Variants in ITPK1 observed in about 807,000 individuals in gnomAD.
ITPK1 encodes the protein inositol-tetrakisphosphate 1-kinase, also known as inositol 1,3,4-trisphosphate 5/6-kinase.
A neutral mutation model predicts 45.3 loss-of-function variants in ITPK1; 21 were observed. The observed-to-expected ratio is 0.46, with a 90% CI of 0.33 to 0.67. The LOEUF is 0.67. Among genes scored for constraint, ITPK1 ranks in the 30% least tolerant of loss-of-function variants. ITPK1 has a pLI of 0.02. For synonymous variants in ITPK1, 258 were observed against 253.6 expected, an observed-to-expected ratio of 1.02 and a Z score of -0.16; for missense variants, 474 against 573.5, an observed-to-expected ratio of 0.83 and a Z score of 1.77.
At chr14:93,114,153 A>G (rs957679760) in intron 2 of ITPK1, among the ~76,000 whole-genome samples, 2 of 152,276 alleles carry the variant, frequency 1.3e-5, no homozygotes, top group African/African-American at 2.4e-5. Flanking sequence ...TCAGAGCTAG[A>G]TTCTCTTAGG....
chr14:92,996,300 A>G (rs1166643412), intron 4 of ITPK1, among the ~76,000 whole-genome samples: 1 of 152,262 alleles, frequency 6.6e-6, no homozygotes, highest in South Asian at 2.1e-4. Flanking sequence ...CCACTCAGCT[A>G]GAAACCATCA....
At chr14:93,080,619 C>A (rs189580078) in intron 2 of ITPK1, among the ~76,000 whole-genome samples, 14 of 152,336 alleles carry the variant, frequency 9.2e-5, no homozygotes, top group African/African-American at 3.4e-4. Flanking sequence ...GCGTGTGCTG[C>A]AGTGTTAACT....
intron 4 of ITPK1, chr14:92,998,786 G>C (rs1887187538): frequency 1.3e-5 from 2 of 152,058 alleles, no homozygotes; most frequent in Admixed American, 6.5e-5. Flanking sequence ...GAAGAAATAA[G>C]AGCCAGCTAC....
intron 2 of ITPK1, among the ~76,000 whole-genome samples, chr14:93,089,609 C>A (rs893192401): frequency 2.0e-5 from 3 of 152,194 alleles, no homozygotes; most frequent in African/African-American, 7.2e-5. Flanking sequence ...ACCAATGAGA[C>A]AGAAATCAGC....
At chr14:93,006,960 C>A (rs374258714) in intron 4 of ITPK1, among the ~76,000 whole-genome samples, 2 of 152,236 alleles carry the variant, frequency 1.3e-5, no homozygotes, top group East Asian at 1.9e-4. Context: ...ATTCCCCTGA[C>A]AAATGCCACA....
intron 2 of ITPK1, among the ~76,000 whole-genome samples, chr14:93,101,338 C>G (rs767956585): frequency 6.6e-6 from 1 of 152,214 alleles, no homozygotes; most frequent in Non-Finnish European, 1.5e-5. Flanking sequence ...ATCTCTGTAC[C>G]TCTGGACTCT....
chr14:93,015,119 C>T (rs1304077053), intron 4 of ITPK1, among the ~76,000 whole-genome samples: 1 of 152,166 alleles, frequency 6.6e-6, no homozygotes, highest in Non-Finnish European at 1.5e-5. Context: ...CAGCTGGGAC[C>T]ACACCCCAGG....
intron 4 of ITPK1, among the ~76,000 whole-genome samples, chr14:93,000,458 C>A (rs1376449782): frequency 6.6e-6 from 1 of 152,160 alleles, no homozygotes; most frequent in Non-Finnish European, 1.5e-5. Context: ...TTTTTATTCC[C>A]ATTTTATAAA....
chr14:92,963,937 C>G (rs755569858), intron 5 of ITPK1, among the ~76,000 whole-genome samples: 6 of 152,184 alleles, frequency 3.9e-5, no homozygotes, highest in Non-Finnish European at 7.3e-5. Context: ...CACCCACAGG[C>G]TTGGAAACCA....
chr14:93,000,358 G>A (rs1273435035), intron 4 of ITPK1, among the ~76,000 whole-genome samples: 1 of 152,206 alleles, frequency 6.6e-6, no homozygotes, highest in Non-Finnish European at 1.5e-5. Context: ...TACAAGTGTA[G>A]CACTTTTCTG....
intron 5 of ITPK1, among the ~76,000 whole-genome samples, chr14:92,983,973 C>T (rs1886362958): frequency 6.6e-6 from 1 of 152,146 alleles, no homozygotes; most frequent in Non-Finnish European, 1.5e-5. Flanking sequence ...AGAAGCGAAG[C>T]AAGACACATG....
chr14:93,073,536 C>T (rs1054409634), intron 3 of ITPK1, among the ~76,000 whole-genome samples: 2 of 152,240 alleles, frequency 1.3e-5, no homozygotes, highest in South Asian at 2.1e-4. Flanking sequence ...CATTAAATAA[C>T]AGGAAGAGAA....
Position 92,938,552 on chromosome 14 carries a change from C to T in ITPK1, c.*3009G>A. 5.6e-6 allele frequency: 9 copies of T among 1,605,764 alleles called. No homozygotes were observed. Among genetic ancestry groups the T allele is most frequent in the Non-Finnish European group, 7.7e-6 (9 of 1,172,652 alleles). ...CTGGGTACAGAGAGGAATGTTTTTC[C>T]CAGGTTGCTTTCTCCTTTATTGACA... On this transcript the variant is annotated 3_prime_UTR_variant, in exon 11 of 11. Transcript: ENST00000267615.
intron 2 of ITPK1, among the ~76,000 whole-genome samples, chr14:93,080,686 A>G (rs1439456386): frequency 2.0e-5 from 3 of 152,232 alleles, no homozygotes; most frequent in African/African-American, 4.8e-5. Flanking sequence ...CAGATTTTCT[A>G]CAATGAACAT....
chr14:92,969,786 T>C (rs1022304158), intron 5 of ITPK1, among the ~76,000 whole-genome samples: 1 of 152,124 alleles, frequency 6.6e-6, no homozygotes, highest in East Asian at 1.9e-4. Context: ...GCCATCCTTA[T>C]TTTTGGATGG....
At chr14:93,019,498 AAC>A (rs1888359853) in intron 3 of ITPK1, among the ~76,000 whole-genome samples, 1 of 152,154 alleles carries the variant, frequency 6.6e-6, no homozygotes, top group Non-Finnish European at 1.5e-5. Context: ...ATGCCAGTAA[AAC>A]CCTTCTGTGA....
At chr14:93,000,194 T>C (rs766174211) in intron 4 of ITPK1, among the ~76,000 whole-genome samples, 6 of 152,240 alleles carry the variant, frequency 3.9e-5, no homozygotes, top group African/African-American at 1.4e-4. Flanking sequence ...TTAGGAGCAA[T>C]GCCGCTGTGA....
chr14:92,976,559 T>G lies in ITPK1; in HGVS notation c.365-13710A>C, dbSNP rs1217538553. ...ATTTCCATCTAACAGACAACCAAAA[T>G]GAAGGCTCATAGAGATGACATGTGT... is the stretch of plus-strand genomic sequence containing the variant. On this transcript the variant is annotated intron_variant, in intron 5 of 10. Coordinates refer to ENST00000267615, the MANE Select transcript of ITPK1 (RefSeq NM_014216.6). Among the ~76,000 whole-genome samples, 3 of 152,256 alleles carry G rather than the reference T, an allele frequency of 2.0e-5. No homozygotes were observed. The East Asian group carries it at 5.8e-4, about 29-fold the overall frequency.
At chr14:93,030,636 G>A (rs1888993401) in intron 3 of ITPK1, among the ~76,000 whole-genome samples, 1 of 152,198 alleles carries the variant, frequency 6.6e-6, no homozygotes, top group Admixed American at 6.5e-5. Context: ...ACCACCGAGG[G>A]CTGCAACATC....
Sources: gnomAD v4.1 joint callset for allele counts (sites outside exome capture counted in the v4.1 genomes callset) on GRCh38, gnomAD v4.1.1 for gene constraint, MANE v1.5 for transcripts, NCBI Gene and HGNC (gene_info 2026-07-23, HGNC 2026-07-21) for gene names.